ARAP2: variants seen among roughly 807,000 people sequenced by gnomAD.
ARAP2 encodes arf-GAP with Rho-GAP domain, ANK repeat and PH domain-containing protein 2.
A neutral mutation model predicts 194.5 loss-of-function variants in ARAP2; 148 were observed. That is an observed-to-expected ratio of 0.76 (90% CI 0.67 to 0.87). The LOEUF (loss-of-function observed/expected upper bound fraction) is 0.87, where lower values mean the gene tolerates loss of function less well. ARAP2 is among the 40% of genes least tolerant of loss of function. The pLI, the probability that ARAP2 is intolerant of heterozygous loss-of-function variation, is 0.00. For synonymous variants in ARAP2, 695 were observed against 683.5 expected (o/e 1.02, Z -0.26); for missense variants, 2,128 against 1,989.7 (o/e 1.07, Z -1.32).
At chr4:36,217,767 A>T (rs1212564264) in intron 2 of ARAP2, among the ~76,000 whole-genome samples, 3 of 151,524 alleles carry the variant, frequency 2.0e-5, no homozygotes, top group Admixed American at 6.6e-5. Flanking sequence ...TTAGAAAAAA[A>T]TCTAATTAAA....
intron 28 of ARAP2, among the ~76,000 whole-genome samples, chr4:36,091,100 T>C (rs1390738785): frequency 2.0e-5 from 3 of 152,264 alleles, no homozygotes; most frequent in East Asian, 1.9e-4. Context: ...TGAATTTTAA[T>C]AAAGTGAACA....
intron 9 of ARAP2, among the ~76,000 whole-genome samples, chr4:36,011,540 T>C (rs184052721): frequency 6.6e-6 from 1 of 152,114 alleles, no homozygotes; most frequent in African/African-American, 2.4e-5. Context: ...TTCCAGAGAA[T>C]CTTAGAAACA....
chr4:36,128,867 A>T (rs1724661665), intron 20 of ARAP2, 122 bp from the exon 21 acceptor site: 1 of 789,762 alleles, frequency 1.3e-6, no homozygotes, highest in African/African-American at 1.8e-5. Context: ...TACGCAAGAG[A>T]TGATATAAAC....
chr4:36,075,424 C>T (rs891977270), intron 31 of ARAP2, among the ~76,000 whole-genome samples: 2 of 152,100 alleles, frequency 1.3e-5, no homozygotes, highest in African/African-American at 4.8e-5. Context: ...CAGCACGGAT[C>T]ATATAGGTGA....
chr4:36,223,909 C>T (rs976269938), intron 2 of ARAP2, among the ~76,000 whole-genome samples: 10 of 152,062 alleles, frequency 6.6e-5, no homozygotes, highest in African/African-American at 1.4e-4. Flanking sequence ...TACGGTATTT[C>T]GTCATGGTAG....
At chr4:36,122,069 C>A (rs1472903664) in intron 22 of ARAP2, among the ~76,000 whole-genome samples, 1 of 151,530 alleles carries the variant, frequency 6.6e-6, no homozygotes, top group Non-Finnish European at 1.5e-5. Context: ...GATATCATCT[C>A]ACACTCACAA....
At position 36,229,537 on chromosome 4, in the gene ARAP2, A is replaced by G. The variant is rs923973816; in HGVS notation, c.-51T>C. 5 of 1,412,306 alleles carry G rather than the reference A, an allele frequency of 3.5e-6. No individual in the cohort carries two copies. Among genetic ancestry groups the G allele is most frequent in the Admixed American group, 4.0e-5 (2 of 49,416 alleles). 87.5% of individuals were successfully genotyped at this position (1,412,306 alleles called of 1,614,324 possible). A position where few individuals can be genotyped will look rare whatever the true frequency, so the allele number is the denominator to read the frequency against. The stretch of plus-strand genomic sequence containing the variant: ...GTTACAAAAAGTGGCACGATGAGAC[A>G]CACACACAAGAAGATGTACTTCTCT... On this transcript the variant is annotated 5_prime_UTR_variant, in exon 2 of 33. Transcript: ENST00000303965.
At chr4:36,085,901 G>T (rs180980497) in intron 28 of ARAP2, among the ~76,000 whole-genome samples, 222 of 152,106 alleles carry the variant, frequency 1.5e-3, no homozygotes, top group African/African-American at 5.2e-3. Flanking sequence ...TCCAGCTGGG[G>T]ACTGATCTTT....
chr4:36,045,841 T>TTAAA (rs996754946), intron 5 of ARAP2: 5 of 151,614 alleles, frequency 3.3e-5, no homozygotes, highest in Non-Finnish European at 5.9e-5. Flanking sequence ...AATGATCAAA[T>TTAAA]TAAATAAATA....
chr4:36,038,366 C>T (rs997813595), intron 5 of ARAP2, among the ~76,000 whole-genome samples: 4 of 152,114 alleles, frequency 2.6e-5, no homozygotes, highest in African/African-American at 9.7e-5. Context: ...GTTAAAAAGC[C>T]TCATGTGTTT....
At chr4:36,005,930 G>T (rs1051756609) in intron 10 of ARAP2, 1 of 152,188 alleles carries the variant, frequency 6.6e-6, no homozygotes, top group Non-Finnish European at 1.5e-5. Flanking sequence ...TTCTACAAAA[G>T]TTCCTGTAGA....
chr4:36,083,109 A>T (rs1199849734), intron 29 of ARAP2, among the ~76,000 whole-genome samples: 1 of 151,914 alleles, frequency 6.6e-6, no homozygotes, highest in Non-Finnish European at 1.5e-5. Context: ...GCCTCCCGGG[A>T]TTTCTTACTT....
At chr4:36,096,685 A>T (rs768930727) in intron 27 of ARAP2, among the ~76,000 whole-genome samples, 2 of 152,156 alleles carry the variant, frequency 1.3e-5, no homozygotes, top group Non-Finnish European at 2.9e-5. Context: ...CCGTCATACT[A>T]ATAGATTCTT....
intron 15 of ARAP2, among the ~76,000 whole-genome samples, chr4:36,154,208 T>A (rs917923740): frequency 6.6e-6 from 1 of 152,210 alleles, no homozygotes; most frequent in African/African-American, 2.4e-5. Context: ...TTTGAAACTA[T>A]GAATTTGCTT....
chr4:36,079,428 G>A (rs1729007237), intron 31 of ARAP2, among the ~76,000 whole-genome samples: 1 of 152,024 alleles, frequency 6.6e-6, no homozygotes, highest in Non-Finnish European at 1.5e-5. Context: ...TTTCTTATAA[G>A]GGAAACAGGA....
intron 2 of ARAP2, among the ~76,000 whole-genome samples, chr4:36,057,635 A>T (rs879887666): frequency 2.6e-5 from 4 of 152,000 alleles, no homozygotes; most frequent in Non-Finnish European, 4.4e-5. Context: ...TATGCTATAA[A>T]ACCCATTTGT....
intron 31 of ARAP2, among the ~76,000 whole-genome samples, chr4:36,077,351 A>G (rs1226597556): frequency 6.6e-6 from 1 of 151,980 alleles, no homozygotes; most frequent in Admixed American, 6.6e-5. Flanking sequence ...AAAACTGCGC[A>G]TTCTGCACTA....
intron 2 of ARAP2, among the ~76,000 whole-genome samples, chr4:36,217,608 A>T (rs754821711): frequency 9.9e-5 from 15 of 152,062 alleles, no homozygotes; most frequent in Non-Finnish European, 2.1e-4. Flanking sequence ...TGACATATAA[A>T]TATCAATTCC....
chr4:36,070,940 C>A (rs1318722504), intron 32 of ARAP2, among the ~76,000 whole-genome samples: 2 of 152,060 alleles, frequency 1.3e-5, no homozygotes, highest in African/African-American at 2.4e-5. Flanking sequence ...TGGGAGGGGA[C>A]CCCAGCTTGG....
Sources: allele counts gnomAD v4.1 joint callset (sites outside exome capture counted in the v4.1 genomes callset), GRCh38; gene constraint gnomAD v4.1.1; transcripts MANE v1.5; gene names NCBI Gene and HGNC (gene_info 2026-07-23, HGNC 2026-07-21).